Variants in IQGAP1 observed in about 807,000 individuals in gnomAD.
IQGAP1 encodes IQ motif containing GTPase activating protein 1, also known as ras GTPase-activating-like protein IQGAP1.
In IQGAP1, 66 loss-of-function variants were observed where a neutral mutation model predicts 215.6. The observed-to-expected ratio is 0.31, with a 90% CI of 0.25 to 0.38. The LOEUF (loss-of-function observed/expected upper bound fraction) is 0.38, where lower values mean the gene tolerates loss of function less well. IQGAP1 is among the 10% of genes least tolerant of loss of function. The probability of loss-of-function intolerance (pLI) is 1.00; values close to 1 mark genes in which losing one functional copy is unlikely to be tolerated. For missense variants in IQGAP1, 1,712 were observed against 1,997.1 expected (o/e 0.86, Z 2.72); for synonymous variants, 772 against 728.7 (o/e 1.06, Z -0.96).
chr15:90,472,560 C>T (rs1965920847), intron 18 of IQGAP1, among the ~76,000 whole-genome samples: 1 of 151,982 alleles, frequency 6.6e-6, no homozygotes, highest in African/African-American at 2.4e-5. Context: ...CAGTGCCCAG[C>T]CTAGTCAGTG....
At chr15:90,444,251 G>GTA (rs1965492691) in intron 9 of IQGAP1, among the ~76,000 whole-genome samples, 1 of 110,106 alleles carries the variant, frequency 9.1e-6, no homozygotes, top group Non-Finnish European at 1.7e-5. Flanking sequence ...AACTGTGTGT[G>GTA]TGTGTGTGTG....
intron 2 of IQGAP1, among the ~76,000 whole-genome samples, chr15:90,416,240 T>C (rs1965045959): frequency 6.6e-6 from 1 of 151,780 alleles, no homozygotes; most frequent in East Asian, 1.9e-4. Context: ...GAACTCATCC[T>C]TTTTTATGGC....
In IQGAP1 at chr15:90,500,057, A is replaced by C; in HGVS notation, c.4923A>C (p.Val1641=). 6.2e-7 allele frequency: 1 copy of C among 1,613,050 alleles called. No individual in the cohort carries two copies. The highest frequency in any genetic ancestry group is 8.5e-7 in the Non-Finnish European group (1 of 1,178,952). The change falls in exon 38 of 38, where the codon GTA becomes GTC. Residue 1641 remains valine, a synonymous_variant. Coordinates refer to ENST00000268182, the MANE Select transcript of IQGAP1 (RefSeq NM_003870.4). The part of the protein sequence containing the change: ...AVMKLFDRAK[V]NVNLLIFLLN... ...TGAAATTATTTGATAGAGCTAAAGT[A>C]AATGTCAACCTCCTGATCTTCCTTC... is the stretch of plus-strand genomic sequence containing the variant.
At chr15:90,393,302 C>T (rs1159763075) in intron 2 of IQGAP1, among the ~76,000 whole-genome samples, 1 of 152,106 alleles carries the variant, frequency 6.6e-6, no homozygotes, top group Non-Finnish European at 1.5e-5. Flanking sequence ...ATAACCTTAG[C>T]ACATTGCATA....
intron 18 of IQGAP1, among the ~76,000 whole-genome samples, chr15:90,470,945 A>G (rs1965896047): frequency 1.3e-5 from 2 of 151,886 alleles, no homozygotes; most frequent in South Asian, 2.1e-4. Flanking sequence ...GAATTATACA[A>G]AGAGTCCATT....
rs1236101989 is a variant in IQGAP1, at chr15:90,477,376, A to G, written c.3104+146A>G. 1.2e-5 allele frequency: 9 copies of G among 742,608 alleles called. No individual in the cohort carries two copies. In the South Asian group the frequency reaches 1.9e-4, roughly 15 times the overall value. The allele number at this position is 742,608 out of a possible 1,614,324, so 46.0% of individuals were successfully genotyped here. On this transcript the variant is annotated intron_variant, in intron 25 of 37. Coordinates refer to ENST00000268182, the MANE Select transcript of IQGAP1 (RefSeq NM_003870.4). ...TAAAGAAGCATCTAATTTTTAAATA[A>G]CTGATATAAAATCTTGCTGCTTCTA...
chr15:90,456,366 A>G (rs750370465), intron 15 of IQGAP1, 51 bp downstream of exon 15: 4 of 1,576,396 alleles, frequency 2.5e-6, no homozygotes, highest in Middle Eastern at 1.7e-4. Context: ...CAGCCCTCCT[A>G]GAACAAAGGT....
In IQGAP1 at chr15:90,483,699, A is replaced by G. The variant is rs1357712262; in HGVS notation, c.3788+106A>G. ...CCTCTCACTTTCCCCGGACTGCCAT[A>G]TGTAGAAGACGTGTTTGATGTGCCC... On this transcript the variant is annotated intron_variant, in intron 29 of 37. Coordinates refer to ENST00000268182, the MANE Select transcript of IQGAP1 (RefSeq NM_003870.4). The G allele has an allele frequency of 5.2e-6, 4 of 768,236 alleles. No individual in the cohort carries two copies. In the African/African-American group the frequency reaches 5.2e-5, roughly 10 times the overall value. The allele number at this position is 768,236 out of a possible 1,614,324, so 47.6% of individuals were successfully genotyped here. A position where few individuals can be genotyped will look rare whatever the true frequency, so the allele number is the denominator to read the frequency against.
At position 90,466,015 on chromosome 15, in the gene IQGAP1, G is replaced by A. The variant is rs1335080658; in HGVS notation, c.1791G>A (p.Glu597=). 1.9e-6 allele frequency: 3 copies of A among 1,614,036 alleles called. No individual in the cohort carries two copies. Among genetic ancestry groups the A allele is most frequent in the Non-Finnish European group, 2.5e-6 (3 of 1,179,944 alleles). The change falls in exon 16 of 38, where the codon GAG becomes GAA. Residue 597 remains glutamate (E), a synonymous_variant. Coordinates refer to ENST00000268182, the MANE Select transcript of IQGAP1 (RefSeq NM_003870.4). ...KREKAQEIQD[E]SAVLWLDEIQ... ...ATGATATGTAGGAAATCCAGGATGAGTCAGCTGTGTTATGGTTGGATGAAA... is the reference window on the plus strand; with the variant it reads ...ATGATATGTAGGAAATCCAGGATGAATCAGCTGTGTTATGGTTGGATGAAA...
chr15:90,446,756 C>A (rs1011986332), intron 9 of IQGAP1, among the ~76,000 whole-genome samples: 1 of 152,090 alleles, frequency 6.6e-6, no homozygotes, highest in Admixed American at 6.6e-5. Context: ...GAGAAAGCTG[C>A]AGGCCAAGCA....
At position 90,413,673 on chromosome 15, in the gene IQGAP1, A is replaced by G. The variant is rs1235110635; in HGVS notation, c.156-12437A>G. On this transcript the variant is annotated intron_variant, in intron 2 of 37. Coordinates refer to ENST00000268182, the MANE Select transcript of IQGAP1 (RefSeq NM_003870.4). ...CAGGTGCCGATTTTAGATAACAGGG[A>G]AGTTAATTACTTCTAAATTCCTCAG... Among the ~76,000 whole-genome samples the G allele has an allele frequency of 4.3e-4, 65 of 152,250 alleles. 1 individual carries two copies. The highest frequency in any genetic ancestry group is 4.1e-3 in the Admixed American group (63 of 15,290).
chr15:90,473,613 C>T, intron 19 of IQGAP1, 102 bp from the exon 20 acceptor site: 1 of 791,294 alleles, frequency 1.3e-6, no homozygotes, highest in Non-Finnish European at 2.1e-6. Flanking sequence ...AAAACTTCAT[C>T]ATGAAATTGC....
chr15:90,486,367 A>G, intron 31 of IQGAP1: 1 of 351,450 alleles, frequency 2.8e-6, no homozygotes, highest in Non-Finnish European at 5.2e-6. Context: ...TTAAACGCAG[A>G]TACATACTGC....
At chr15:90,451,336 C>T (rs1306855761) in intron 11 of IQGAP1, among the ~76,000 whole-genome samples, 1 of 152,154 alleles carries the variant, frequency 6.6e-6, no homozygotes, top group African/African-American at 2.4e-5. Flanking sequence ...TGCTCAGCTT[C>T]TGGTGAGGGC....
At chr15:90,459,105 C>T (rs1240041921) in intron 15 of IQGAP1, among the ~76,000 whole-genome samples, 3 of 152,180 alleles carry the variant, frequency 2.0e-5, no homozygotes, top group Non-Finnish European at 2.9e-5. Context: ...TTAGCCCTTC[C>T]GCTTGCTGCC....
At chr15:90,429,869 T>C (rs1965278165) in intron 4 of IQGAP1, 1 of 377,408 alleles carries the variant, frequency 2.6e-6, no homozygotes. Context: ...CATCTTACCC[T>C]AGAGAAATTC....
At chr15:90,398,346 C>T (rs1964756550) in intron 2 of IQGAP1, among the ~76,000 whole-genome samples, 1 of 152,098 alleles carries the variant, frequency 6.6e-6, no homozygotes, top group Admixed American at 6.6e-5. Flanking sequence ...ACAGAAGATA[C>T]TTCTAGGGAG....
At chr15:90,432,448 G>A (rs1206656431) in intron 4 of IQGAP1, among the ~76,000 whole-genome samples, 2 of 151,888 alleles carry the variant, frequency 1.3e-5, no homozygotes, top group East Asian at 3.9e-4. Flanking sequence ...ATCTCCCCAG[G>A]GCTCTATTTT....
intron 2 of IQGAP1, 101 bp from the exon 3 acceptor site, chr15:90,426,009 G>C: frequency 1.7e-6 from 2 of 1,155,354 alleles, no homozygotes; most frequent in South Asian, 1.6e-5. Context: ...ATTATGTTCA[G>C]TTTAAGCTTC....
Sources: gnomAD v4.1 joint callset for allele counts (sites outside exome capture counted in the v4.1 genomes callset) on GRCh38, gnomAD v4.1.1 for gene constraint, MANE v1.5 for transcripts, NCBI Gene and HGNC (gene_info 2026-07-23, HGNC 2026-07-21) for gene names.